Variants in CAMTA1 observed in about 807,000 individuals in gnomAD.
CAMTA1 encodes calmodulin binding transcription activator 1.
CAMTA1 carries 27 observed loss-of-function variants against 170.9 expected under a neutral mutation model. That is an observed-to-expected ratio of 0.16 (90% CI 0.12 to 0.22). CAMTA1 has a LOEUF of 0.22. Among genes scored for constraint, CAMTA1 ranks in the 10% least tolerant of loss-of-function variants. The probability of loss-of-function intolerance (pLI) is 1.00; values close to 1 mark genes in which losing one functional copy is unlikely to be tolerated. For missense variants in CAMTA1, 1,619 were observed against 2,217.2 expected, an observed-to-expected ratio of 0.73 and a Z score of 5.42; for synonymous variants, 833 against 891.5, an observed-to-expected ratio of 0.93 and a Z score of 1.17.
chr1:7,654,616 A>G (rs912609414), intron 7 of CAMTA1, among the ~76,000 whole-genome samples: 7 of 149,888 alleles, frequency 4.7e-5, no homozygotes, highest in Non-Finnish European at 1.0e-4. Context: ...TCCTATACAC[A>G]CAAACACACC....
intron 2 of CAMTA1, among the ~76,000 whole-genome samples, chr1:6,822,457 G>A (rs547513176): frequency 2.6e-5 from 4 of 151,984 alleles, no homozygotes; most frequent in Non-Finnish European, 4.4e-5. Flanking sequence ...TATTAAACTC[G>A]CAATCCTTAT....
chr1:7,692,915 G>A (rs2096334482), intron 11 of CAMTA1, among the ~76,000 whole-genome samples: 1 of 152,358 alleles, frequency 6.6e-6, no homozygotes, highest in Non-Finnish European at 1.5e-5. Flanking sequence ...TTAATGTGAG[G>A]AGTGCTTGAG....
chr1:7,081,858 G>A (rs1640056794), intron 3 of CAMTA1, among the ~76,000 whole-genome samples: 1 of 152,212 alleles, frequency 6.6e-6, no homozygotes, highest in African/African-American at 2.4e-5. Flanking sequence ...TAAGCCAAAT[G>A]GGAAGAAGAC....
At chr1:7,604,844 A>G (rs2095473013) in intron 6 of CAMTA1, among the ~76,000 whole-genome samples, 2 of 152,222 alleles carry the variant, frequency 1.3e-5, no homozygotes, top group South Asian at 4.2e-4. Context: ...ATGGTGACGT[A>G]CAGATGGGGT....
At chr1:7,304,597 CTT>C (rs71582093) in intron 5 of CAMTA1, among the ~76,000 whole-genome samples, 94 of 141,888 alleles carry the variant, frequency 6.6e-4, no homozygotes, top group East Asian at 1.8e-3. Context: ...GTTATCAAAG[CTT>C]TTTTTTTTTT....
chr1:6,803,753 C>T (rs1399895386), intron 1 of CAMTA1, among the ~76,000 whole-genome samples: 1 of 152,182 alleles, frequency 6.6e-6, no homozygotes, highest in Non-Finnish European at 1.5e-5. Flanking sequence ...CTCACTCTGT[C>T]ATCCAGGCTG....
chr1:7,689,987 G>A (rs961844602), intron 11 of CAMTA1, among the ~76,000 whole-genome samples: 2 of 152,050 alleles, frequency 1.3e-5, no homozygotes, highest in Admixed American at 6.5e-5. Flanking sequence ...GTGAAACCCC[G>A]TCTCTACTAG....
chr1:7,508,880 C>T (rs1222662312), intron 6 of CAMTA1, among the ~76,000 whole-genome samples: 1 of 152,198 alleles, frequency 6.6e-6, no homozygotes, highest in South Asian at 2.1e-4. Context: ...ACCTTCTCCC[C>T]CTCTTGATTT....
At chr1:7,524,937 GT>G (rs2150001835) in intron 6 of CAMTA1, among the ~76,000 whole-genome samples, 1 of 152,262 alleles carries the variant, frequency 6.6e-6, no homozygotes, top group South Asian at 2.1e-4. Flanking sequence ...TGACAAACCA[GT>G]GTGGACCATT....
At chr1:6,880,859 A>C (rs1222350514) in intron 3 of CAMTA1, among the ~76,000 whole-genome samples, 1 of 152,218 alleles carries the variant, frequency 6.6e-6, no homozygotes, top group African/African-American at 2.4e-5. Flanking sequence ...ATCTAGAATG[A>C]AGCAATAAAC....
At chr1:7,021,919 G>T (rs1011768211) in intron 3 of CAMTA1, among the ~76,000 whole-genome samples, 1 of 152,170 alleles carries the variant, frequency 6.6e-6, no homozygotes, top group African/African-American at 2.4e-5. Flanking sequence ...AGCCACCGCC[G>T]TTCAGTGAGT....
At chr1:7,122,527 C>T (rs1427025680) in intron 4 of CAMTA1, among the ~76,000 whole-genome samples, 1 of 152,148 alleles carries the variant, frequency 6.6e-6, no homozygotes, top group Non-Finnish European at 1.5e-5. Context: ...ATGTAACAAG[C>T]AGCAGAGCAG....
intron 6 of CAMTA1, among the ~76,000 whole-genome samples, chr1:7,586,113 CCCACTCCCAGCCAGGCT>C (rs2095307491): frequency 1.3e-5 from 2 of 151,930 alleles, no homozygotes; most frequent in Non-Finnish European, 2.9e-5. Context: ...GAGGAAGGCG[CCCACTCCCAGCCAGGCT>C]CCACTCCCAG....
intron 7 of CAMTA1, among the ~76,000 whole-genome samples, chr1:7,660,848 G>C (rs2095949864): frequency 6.6e-6 from 1 of 152,242 alleles, no homozygotes; most frequent in Admixed American, 6.5e-5. Flanking sequence ...CACTGCCTCT[G>C]AGCCTGGCCC....
chr1:7,413,453 C>G (rs1014774929), intron 5 of CAMTA1, among the ~76,000 whole-genome samples: 4 of 152,142 alleles, frequency 2.6e-5, no homozygotes, highest in African/African-American at 9.7e-5. Flanking sequence ...TTGTAGTTCT[C>G]CTTGAAGAGG....
intron 5 of CAMTA1, among the ~76,000 whole-genome samples, chr1:7,466,760 AG>A (rs1242743500): frequency 6.6e-6 from 1 of 152,128 alleles, no homozygotes; most frequent in African/African-American, 2.4e-5. Flanking sequence ...AGCTGATGGA[AG>A]GGAGATCATT....
chr1:7,067,418 ATTC>A lies in CAMTA1; in HGVS notation c.235-23869_235-23867del, dbSNP rs55735334. Among the ~76,000 whole-genome samples the A allele has an allele frequency of 3.7e-4, 56 of 151,538 alleles. No homozygotes were observed. Among genetic ancestry groups the A allele is most frequent in the African/African-American group, 1.2e-3 (50 of 41,218 alleles). ...AACCAATTAGGTTCTTACTTGCTGAATTCTTCTTCTTCTTCTTCTGCTTCTCTG... is the reference window on the plus strand; with the variant it reads ...AACCAATTAGGTTCTTACTTGCTGAATTCTTCTTCTTCTTCTGCTTCTCTG... On this transcript the variant is annotated intron_variant, in intron 3 of 22. Transcript: ENST00000303635. The surrounding 1 kb of genome is among the most constrained non-coding windows in gnomAD (Gnocchi z 4.3).
intron 1 of CAMTA1, among the ~76,000 whole-genome samples, 200 bp downstream of exon 1, chr1:6,785,775 G>GGCGGAGCGCGGCGCCC (rs1553141210): frequency 2.2e-5 from 3 of 138,422 alleles, no homozygotes; most frequent in Non-Finnish European, 3.2e-5. Context: ...TCGCGGGGCC[G>GGCGGAGCGCGGCGCCC]GCGGAGCGCG....
intron 6 of CAMTA1, among the ~76,000 whole-genome samples, chr1:7,604,218 G>C (rs1372725127): frequency 6.6e-6 from 1 of 152,174 alleles, no homozygotes; most frequent in Non-Finnish European, 1.5e-5. Flanking sequence ...TCCTGAATTT[G>C]AATATTGGCC....
Sources: gnomAD v4.1 joint callset for allele counts (sites outside exome capture counted in the v4.1 genomes callset) on GRCh38, gnomAD v4.1.1 for gene constraint, Gnocchi (gnomAD v3.1) non-coding constraint, MANE v1.5 for transcripts, NCBI Gene and HGNC (gene_info 2026-07-23, HGNC 2026-07-21) for gene names.